The following KCNIP1 variants were observed in gnomAD, a reference collection of about 807,000 sequenced individuals.
The protein encoded by KCNIP1 is potassium voltage-gated channel interacting protein 1, also known as A-type potassium channel modulatory protein KCNIP1.
In KCNIP1, 18 loss-of-function variants were observed where a neutral mutation model predicts 33.0. The ratio of observed to expected loss-of-function variants is 0.55; its 90% CI spans 0.38 to 0.81. The LOEUF (loss-of-function observed/expected upper bound fraction) is 0.81, where lower values mean the gene tolerates loss of function less well. Among genes scored for constraint, KCNIP1 ranks in the 30% least tolerant of loss-of-function variants. The pLI, the probability that KCNIP1 is intolerant of heterozygous loss-of-function variation, is 0.00. For missense variants in KCNIP1, 238 were observed against 271.6 expected, an observed-to-expected ratio of 0.88 and a Z score of 0.87; for synonymous variants, 93 against 98.3, an observed-to-expected ratio of 0.95 and a Z score of 0.32.
At chr5:170,492,982 T>C (rs1042842073) in intron 1 of KCNIP1, among the ~76,000 whole-genome samples, 5 of 152,106 alleles carry the variant, frequency 3.3e-5, no homozygotes, top group Non-Finnish European at 5.9e-5. Flanking sequence ...TTCCCTGACC[T>C]CATGATCCAA....
chr5:170,650,510 T>G (rs1409762253), intron 1 of KCNIP1, among the ~76,000 whole-genome samples: 1 of 152,238 alleles, frequency 6.6e-6, no homozygotes, highest in Non-Finnish European at 1.5e-5. Flanking sequence ...TCATTCCTTT[T>G]TATTGCTAAG....
Position 170,663,827 on chromosome 5 carries a change from C to T in KCNIP1, c.62-54931C>T, listed in dbSNP as rs544076936. Reference sequence around the variant, plus strand: ...CCAGCAGCTTTACCATCATGTCTCACGGATCTCTGCACCGCTCCCAACTGG... The same window carrying T: ...CCAGCAGCTTTACCATCATGTCTCATGGATCTCTGCACCGCTCCCAACTGG... On this transcript the variant is annotated intron_variant, in intron 1 of 7. Coordinates refer to ENST00000328939, the MANE Select transcript of KCNIP1 (RefSeq NM_014592.4). Among the ~76,000 whole-genome samples, 9 of 152,194 alleles carry T rather than the reference C, an allele frequency of 5.9e-5. No individual in the cohort carries two copies. The South Asian group carries it at 1.5e-3, about 25-fold the overall frequency.
chr5:170,618,324 G>A (rs979836614), intron 1 of KCNIP1, among the ~76,000 whole-genome samples: 1 of 151,214 alleles, frequency 6.6e-6, no homozygotes, highest in Non-Finnish European at 1.5e-5. Context: ...TAGTTGCAAA[G>A]TCATGTCCCC....
chr5:170,643,582 G>A (rs1760663537), intron 1 of KCNIP1, among the ~76,000 whole-genome samples: 3 of 152,210 alleles, frequency 2.0e-5, no homozygotes, highest in South Asian at 2.1e-4. Context: ...AGGTGCCCAG[G>A]AAGTGAGACT....
intron 1 of KCNIP1, among the ~76,000 whole-genome samples, chr5:170,684,993 C>G (rs1168209982): frequency 6.6e-6 from 1 of 152,110 alleles, no homozygotes; most frequent in East Asian, 1.9e-4. Flanking sequence ...TCTACTTAAT[C>G]TGTTTATCAT....
At chr5:170,628,980 T>A (rs997049619) in intron 1 of KCNIP1, among the ~76,000 whole-genome samples, 2 of 152,196 alleles carry the variant, frequency 1.3e-5, no homozygotes, top group African/African-American at 4.8e-5. Context: ...ACCCTGTGCC[T>A]CGTCAGCCCC....
chr5:170,718,715 C>A, intron 1 of KCNIP1, 43 bp from the exon 2 acceptor site: 1 of 1,611,576 alleles, frequency 6.2e-7, no homozygotes, highest in South Asian at 1.1e-5. Flanking sequence ...ACAAGAATGA[C>A]TCCCAAGCTC....
chr5:170,383,526 C>T (rs1022875281), intron 1 of KCNIP1: 1 of 831,436 alleles, frequency 1.2e-6, no homozygotes, highest in African/African-American at 1.7e-5. Context: ...GACTCCAACA[C>T]AGAAGAGCTA....
chr5:170,661,425 T>C (rs1164150542), intron 1 of KCNIP1, among the ~76,000 whole-genome samples: 1 of 152,190 alleles, frequency 6.6e-6, no homozygotes, highest in Non-Finnish European at 1.5e-5. Flanking sequence ...TGATATTAGA[T>C]GGCATCTGAG....
intron 1 of KCNIP1, among the ~76,000 whole-genome samples, chr5:170,667,381 A>G (rs1761746713): frequency 6.6e-6 from 1 of 152,214 alleles, no homozygotes; most frequent in Non-Finnish European, 1.5e-5. Context: ...GAAGAAACAC[A>G]TATCTAATGA....
intron 1 of KCNIP1, among the ~76,000 whole-genome samples, chr5:170,411,444 G>A (rs1755186132): frequency 6.6e-6 from 1 of 152,216 alleles, no homozygotes. Context: ...GGGACAGAGA[G>A]TGAGAGAAAG....
intron 1 of KCNIP1, among the ~76,000 whole-genome samples, chr5:170,543,973 A>G (rs1756312239): frequency 6.6e-6 from 1 of 152,230 alleles, no homozygotes; most frequent in African/African-American, 2.4e-5. Flanking sequence ...ACCAGCGTTA[A>G]TGGGAGGTAA....
intron 1 of KCNIP1, among the ~76,000 whole-genome samples, chr5:170,630,837 A>G (rs1760027408): frequency 6.6e-6 from 1 of 152,160 alleles, no homozygotes; most frequent in African/African-American, 2.4e-5. Context: ...CATCACCCCT[A>G]TCTTCCAGGT....
chr5:170,610,276 T>C (rs1249145583), intron 1 of KCNIP1, among the ~76,000 whole-genome samples: 1 of 152,218 alleles, frequency 6.6e-6, no homozygotes, highest in Non-Finnish European at 1.5e-5. Context: ...AACATTGATA[T>C]CGCAGAGAAA....
intron 1 of KCNIP1, among the ~76,000 whole-genome samples, chr5:170,534,501 AAGG>A (rs1470601528): frequency 2.4e-5 from 3 of 123,994 alleles, no homozygotes; most frequent in Admixed American, 7.3e-5. Context: ...GGAGGAGGAG[AAGG>A]AGGAGAAGGA....
intron 1 of KCNIP1, chr5:170,669,536 T>C: frequency 1.0e-6 from 1 of 985,340 alleles, no homozygotes; most frequent in Non-Finnish European, 1.2e-6. Flanking sequence ...GACAGATGGA[T>C]GGATGGTTGA....
In KCNIP1 at chr5:170,651,946, T is replaced by C. The variant is rs75959919; in HGVS notation, c.62-66812T>C. Among the ~76,000 whole-genome samples the C allele has an allele frequency of 3.1e-3, 466 of 152,320 alleles. 3 individuals are homozygous for C. The highest frequency in any genetic ancestry group is 5.9e-3 in the Admixed American group (90 of 15,300). On this transcript the variant is annotated intron_variant, in intron 1 of 7. Coordinates refer to ENST00000328939, the MANE Select transcript of KCNIP1 (RefSeq NM_014592.4). ...GGGTAATTGTGTTCATGTTTTTAAA[T>C]GTGAAAAATAATCAAATATAACTTG...
At chr5:170,404,483 C>A (rs368744578) in intron 1 of KCNIP1, among the ~76,000 whole-genome samples, 1 of 152,136 alleles carries the variant, frequency 6.6e-6, no homozygotes, top group African/African-American at 2.4e-5. Flanking sequence ...CAGCTAGGAT[C>A]ACTCATGTAC....
rs115605522 is a variant in KCNIP1 at position 170,537,532 on chromosome 5, G to T, written c.61+32899G>T. ...AACCCTTGCCCTGGATGTTCTGTTT[G>T]TCCTCAGGACCCCCTCTCCACTGTT... is the stretch of plus-strand genomic sequence containing the variant. On this transcript the variant is annotated intron_variant, in intron 1 of 7. Transcript: ENST00000328939. 7.7e-3 allele frequency among the ~76,000 whole-genome samples: 1,176 copies of T among 152,256 alleles called. 18 individuals are homozygous for T. The highest frequency in any genetic ancestry group is 0.026 in the African/African-American group (1,082 of 41,546).
Sources: allele counts gnomAD v4.1 joint callset (sites outside exome capture counted in the v4.1 genomes callset), GRCh38; gene constraint gnomAD v4.1.1; transcripts MANE v1.5; gene names NCBI Gene and HGNC (gene_info 2026-07-23, HGNC 2026-07-21).